TRIM2: variants seen among roughly 807,000 people sequenced by gnomAD.
The protein encoded by TRIM2 is tripartite motif-containing protein 2.
Under a neutral mutation model 75.2 loss-of-function variants are expected in TRIM2, and 20 were observed. The ratio of observed to expected loss-of-function variants is 0.27; its 90% CI spans 0.19 to 0.39. The LOEUF (loss-of-function observed/expected upper bound fraction) is 0.39. Ranked by LOEUF, TRIM2 falls within the 10% of genes least tolerant of loss-of-function variation. The pLI, the probability that TRIM2 is intolerant of heterozygous loss-of-function variation, is 1.00. For synonymous variants in TRIM2, 373 were observed against 388.3 expected, an observed-to-expected ratio of 0.96 and a Z score of 0.46; for missense variants, 660 against 990.8, an observed-to-expected ratio of 0.67 and a Z score of 4.48.
chr4:153,269,369 C>T (rs1022113132), intron 1 of TRIM2, among the ~76,000 whole-genome samples: 1 of 152,162 alleles, frequency 6.6e-6, no homozygotes, highest in Non-Finnish European at 1.5e-5. Flanking sequence ...CATCTCCTTG[C>T]AGTCTTCAGT....
chr4:153,208,882 C>G (rs1736180843), intron 1 of TRIM2, among the ~76,000 whole-genome samples: 1 of 152,178 alleles, frequency 6.6e-6, no homozygotes, highest in South Asian at 2.1e-4. Context: ...TGTGAGCCTG[C>G]AAGGCAAGGT....
At chr4:153,311,837 G>A (rs1309517411) in intron 6 of TRIM2, among the ~76,000 whole-genome samples, 1 of 150,978 alleles carries the variant, frequency 6.6e-6, no homozygotes, top group African/African-American at 2.4e-5. Flanking sequence ...TGTGATTACA[G>A]GCACGAGCTA....
At chr4:153,272,702 C>T (rs1411193839) in intron 2 of TRIM2, among the ~76,000 whole-genome samples, 15 of 150,950 alleles carry the variant, frequency 9.9e-5, no homozygotes, top group Admixed American at 8.6e-4. Flanking sequence ...AACTCCTGAG[C>T]GCAAGCAATC....
At chr4:153,162,072 A>C (rs1008016815) in intron 1 of TRIM2, among the ~76,000 whole-genome samples, 2 of 152,196 alleles carry the variant, frequency 1.3e-5, no homozygotes, top group African/African-American at 4.8e-5. Context: ...CCAAATTTCT[A>C]AACTTTCAAG....
rs749583605 is a variant in TRIM2, at chr4:153,315,793, T to A, written c.1615-39T>A. ...CCTATGCCTTCCTCAGCAATGCCTGTACTAGTTCACATTCCAATGAATGTA... is the reference window on the plus strand; with the variant it reads ...CCTATGCCTTCCTCAGCAATGCCTGAACTAGTTCACATTCCAATGAATGTA... On this transcript the variant is annotated intron_variant, in intron 7 of 11. Coordinates refer to ENST00000338700, the MANE Select transcript of TRIM2 (RefSeq NM_015271.5). 5 of 1,610,060 alleles carry A rather than the reference T, an allele frequency of 3.1e-6. No individual in the cohort carries two copies. In the South Asian group the frequency reaches 5.5e-5, roughly 18 times the overall value.
At chr4:153,304,396 G>A (rs2897291) in intron 6 of TRIM2, among the ~76,000 whole-genome samples, 33,344 of 151,994 alleles carry the variant, frequency 0.22, 4,205 homozygotes, top group African/African-American at 0.35. Context: ...TTACAGGCGT[G>A]AGCCACCATG....
At chr4:153,207,804 A>G (rs541174191) in intron 1 of TRIM2, among the ~76,000 whole-genome samples, 4 of 152,290 alleles carry the variant, frequency 2.6e-5, no homozygotes, top group Non-Finnish European at 4.4e-5. Flanking sequence ...ACGGTTTTCT[A>G]TCTGTCCTGA....
intron 1 of TRIM2, among the ~76,000 whole-genome samples, chr4:153,259,737 G>A (rs554070655): frequency 6.6e-6 from 1 of 152,188 alleles, no homozygotes; most frequent in South Asian, 2.1e-4. Flanking sequence ...TCCATTATAG[G>A]GTTGGCTATT....
chr4:153,221,783 A>G (rs1465533134), intron 1 of TRIM2, among the ~76,000 whole-genome samples: 5 of 83,738 alleles, frequency 6.0e-5, no homozygotes, highest in Non-Finnish European at 9.5e-5. Flanking sequence ...AGGAAAGAAG[A>G]AAAGGAAGGA....
At chr4:153,182,045 G>A (rs1174239943) in intron 1 of TRIM2, among the ~76,000 whole-genome samples, 2 of 152,176 alleles carry the variant, frequency 1.3e-5, no homozygotes, top group African/African-American at 2.4e-5. Context: ...AGATGCATGA[G>A]GCTCCCCACC....
At chr4:153,287,587 C>T (rs183008111) in intron 3 of TRIM2, among the ~76,000 whole-genome samples, 25 of 152,122 alleles carry the variant, frequency 1.6e-4, no homozygotes, top group African/African-American at 6.0e-4. Flanking sequence ...TTTTACTATA[C>T]ATATTTTTAT....
In TRIM2 at chr4:153,168,013, T is replaced by C. The variant is rs533607864; in HGVS notation, c.-49+14743T>C. ...GGCTCATTTGCCAGTTTCTTTGCCA[T>C]TAATTAATTCTTGGTTTATTTGTGA... On this transcript the variant is annotated intron_variant, in intron 1 of 11. Transcript: ENST00000437508. Among the ~76,000 whole-genome samples the C allele has an allele frequency of 3.3e-5, 5 of 152,360 alleles. 1 individual carries two copies. In the South Asian group the frequency reaches 1.0e-3, roughly 32 times the overall value.
In TRIM2 at chr4:153,296,032, A is replaced by G; in HGVS notation, c.1506A>G (p.Arg502=). 1 of 1,522,242 alleles carries G rather than the reference A, an allele frequency of 6.6e-7. No homozygotes were observed. The highest frequency in any genetic ancestry group is 8.8e-7 in the Non-Finnish European group (1 of 1,137,050). 94.3% of individuals were successfully genotyped at this position (1,522,242 alleles called of 1,614,324 possible). Residue 502 remains arginine (R), a synonymous_variant, in exon 6 of 12, where the codon CGA becomes CGG. Coordinates refer to ENST00000338700, the MANE Select transcript of TRIM2 (RefSeq NM_015271.5). Reference sequence around the variant, plus strand: ...CCATCGAAGACGATTTGATCTTTCGAGTGGGTAAGGAGAGGGCTTCTGTGC... The same window carrying G: ...CCATCGAAGACGATTTGATCTTTCGGGTGGGTAAGGAGAGGGCTTCTGTGC... ...ENPIEDDLIF[R]VGTKGRNKGE... is the part of the protein sequence containing the mutation.
At chr4:153,240,844 C>T (rs1043670585) in intron 1 of TRIM2, among the ~76,000 whole-genome samples, 1 of 152,120 alleles carries the variant, frequency 6.6e-6, no homozygotes, top group East Asian at 1.9e-4. Context: ...TTTGGGAGGC[C>T]GAAGCAGGCG....
chr4:153,292,473 G>A (rs996782965), intron 3 of TRIM2, among the ~76,000 whole-genome samples: 3 of 151,660 alleles, frequency 2.0e-5, no homozygotes, highest in East Asian at 3.9e-4. Context: ...AAAATTTTTT[G>A]TAGAGACAGA....
At chr4:153,199,814 C>G (rs1005259499), upstream of TRIM2, among the ~76,000 whole-genome samples, 9 of 151,980 alleles carry the variant, frequency 5.9e-5, no homozygotes, top group African/African-American at 1.9e-4. Context: ...TGCTCTGTTG[C>G]CCAGGCTGAA....
At chr4:153,294,783 G>C (rs966755594) in intron 5 of TRIM2, among the ~76,000 whole-genome samples, 2 of 152,156 alleles carry the variant, frequency 1.3e-5, no homozygotes, top group African/African-American at 4.8e-5. Context: ...ACATGAAATA[G>C]TTTCTTAATT....
intron 3 of TRIM2, among the ~76,000 whole-genome samples, chr4:153,283,642 CTTTT>C (rs766776861): frequency 8.0e-6 from 1 of 124,584 alleles, no homozygotes; most frequent in Non-Finnish European, 1.6e-5. Context: ...TGTTTTTTTT[CTTTT>C]TTTTTTTTTT....
At chr4:153,153,284 T>A (rs1425767386) in intron 1 of TRIM2, 1 of 152,102 alleles carries the variant, frequency 6.6e-6, no homozygotes, top group African/African-American at 2.4e-5. Flanking sequence ...AGTATCTGTG[T>A]CCCCCGCGCT....
Sources: gnomAD v4.1 joint callset for allele counts (sites outside exome capture counted in the v4.1 genomes callset) on GRCh38, gnomAD v4.1.1 for gene constraint, MANE v1.5 for transcripts, NCBI Gene and HGNC (gene_info 2026-07-23, HGNC 2026-07-21) for gene names.